ACP3: variants seen among roughly 807,000 people sequenced by gnomAD.
ACP3 encodes the protein acid phosphatase 3, also known as prostatic acid phosphatase.
Under a neutral mutation model 45.6 loss-of-function variants are expected in ACP3, and 38 were observed. That is an observed-to-expected ratio of 0.83 (90% CI 0.64 to 1.09). The LOEUF (loss-of-function observed/expected upper bound fraction) is 1.09. Among genes scored for constraint, ACP3 ranks in the 50% least tolerant of loss-of-function variants. The pLI, the probability that ACP3 is intolerant of heterozygous loss-of-function variation, is 0.00. For synonymous variants in ACP3, 162 were observed against 164.7 expected (o/e 0.98, Z 0.13); for missense variants, 466 against 463.2 (o/e 1.01, Z -0.05).
intron 9 of ACP3, among the ~76,000 whole-genome samples, chr3:132,353,059 G>A (rs373019000): frequency 1.6e-4 from 25 of 152,210 alleles, no homozygotes; most frequent in African/African-American, 6.0e-4. Flanking sequence ...CTATGTAACA[G>A]AAATTACATT....
chr3:132,341,117 G>C (rs1343603880), intron 5 of ACP3, among the ~76,000 whole-genome samples: 1 of 152,042 alleles, frequency 6.6e-6, no homozygotes, highest in Non-Finnish European at 1.5e-5. Context: ...TTTCAAAAAT[G>C]TGTATCTCTG....
At chr3:132,320,346 G>A (rs1937183134) in intron 1 of ACP3, among the ~76,000 whole-genome samples, 1 of 152,132 alleles carries the variant, frequency 6.6e-6, no homozygotes, top group African/African-American at 2.4e-5. Flanking sequence ...CAGCTTCAAA[G>A]ACTATCACCC....
chr3:132,329,541 T>C (rs1407807990), intron 2 of ACP3, among the ~76,000 whole-genome samples: 2 of 152,202 alleles, frequency 1.3e-5, no homozygotes, highest in African/African-American at 4.8e-5. Flanking sequence ...TTCTGTCCCT[T>C]TGAATGAAAG....
intron 7 of ACP3, among the ~76,000 whole-genome samples, chr3:132,349,431 C>T (rs1937667964): frequency 6.6e-6 from 1 of 152,218 alleles, no homozygotes; most frequent in African/African-American, 2.4e-5. Flanking sequence ...TGGCCTCCCA[C>T]AGGTCTGACT....
intron 5 of ACP3, among the ~76,000 whole-genome samples, chr3:132,340,437 A>G (rs1022422612): frequency 3.3e-5 from 5 of 152,092 alleles, no homozygotes; most frequent in African/African-American, 7.2e-5. Flanking sequence ...TTCTGTATCA[A>G]TGTATTCTTA....
chr3:132,346,514 G>C (rs1009740026), intron 7 of ACP3, among the ~76,000 whole-genome samples: 6 of 152,210 alleles, frequency 3.9e-5, no homozygotes, highest in Non-Finnish European at 5.9e-5. Flanking sequence ...CTTGAGGAAG[G>C]GAGAGTCTCC....
At chr3:132,359,792 C>T (rs554774862), downstream of ACP3, among the ~76,000 whole-genome samples, 2 of 152,156 alleles carry the variant, frequency 1.3e-5, no homozygotes, top group South Asian at 2.1e-4. Flanking sequence ...TGCTGCAGCC[C>T]GCTCATACAG....
intron 4 of ACP3, among the ~76,000 whole-genome samples, chr3:132,336,819 A>G (rs557860194): frequency 6.6e-6 from 1 of 152,364 alleles, no homozygotes; most frequent in African/African-American, 2.4e-5. Flanking sequence ...TAAGGGCAAC[A>G]AAATAAACTT....
chr3:132,349,562 T>C (rs1937671008), intron 7 of ACP3, among the ~76,000 whole-genome samples: 3 of 152,166 alleles, frequency 2.0e-5, no homozygotes, highest in Admixed American at 2.0e-4. Flanking sequence ...AAAAGCTGTC[T>C]GAAGTTCCTT....
At chr3:132,345,113 G>A in intron 7 of ACP3, 54 bp downstream of exon 7, 6 of 1,501,728 alleles carry the variant, frequency 4.0e-6, no homozygotes, top group Non-Finnish European at 5.5e-6. Context: ...AATGATCCAG[G>A]TCTGAGTCAT....
At chr3:132,318,228 G>A (rs1329578401) in intron 1 of ACP3, among the ~76,000 whole-genome samples, 2 of 152,176 alleles carry the variant, frequency 1.3e-5, no homozygotes, top group Admixed American at 1.3e-4. Flanking sequence ...AAGAGGGTTT[G>A]CAAAGTGAAG....
intron 9 of ACP3, among the ~76,000 whole-genome samples, chr3:132,355,681 C>A (rs1303263468): frequency 6.6e-6 from 1 of 151,992 alleles, no homozygotes. Context: ...CCACACCCAG[C>A]TAATTTTTGT....
intron 6 of ACP3, 56 bp from the exon 7 acceptor site, chr3:132,344,871 A>G (rs1015094324): frequency 1.5e-5 from 24 of 1,587,574 alleles, no homozygotes; most frequent in Non-Finnish European, 2.1e-5. Flanking sequence ...ATAAGTCAAC[A>G]AAGAGGACAG....
chr3:132,348,468 C>A (rs1340852589), intron 7 of ACP3, among the ~76,000 whole-genome samples: 1 of 152,098 alleles, frequency 6.6e-6, no homozygotes. Context: ...ATGATAGTCA[C>A]CCCTAATCAC....
intron 1 of ACP3, among the ~76,000 whole-genome samples, chr3:132,325,820 G>A (rs953847893): frequency 2.6e-5 from 4 of 152,174 alleles, no homozygotes; most frequent in Non-Finnish European, 5.9e-5. Flanking sequence ...TACATGCTGT[G>A]TGAGTTTAGA....
Position 132,357,579 on chromosome 3 carries a change from A to T in ACP3, c.*701A>T. The T allele has an allele frequency of 3.0e-6, 3 of 984,116 alleles. No homozygotes were observed. Among genetic ancestry groups the T allele is most frequent in the Non-Finnish European group, 3.6e-6 (3 of 828,716 alleles). The allele number at this position is 984,116 out of a possible 1,614,324, so 61.0% of individuals were successfully genotyped here. On this transcript the variant is annotated 3_prime_UTR_variant, in exon 10 of 10. Transcript: ENST00000336375. ...AACAAAAATCAAACTTTACAGAAAG[A>T]TTTGATGTATGTAATACATATAGCA...
intron 5 of ACP3, among the ~76,000 whole-genome samples, chr3:132,341,196 G>A (rs533858186): frequency 6.4e-4 from 98 of 152,158 alleles, no homozygotes; most frequent in Non-Finnish European, 1.1e-3. Context: ...TGTTGGTAGC[G>A]GGTATTCTTG....
At chr3:132,363,142 AC>A (rs1191579383), downstream of ACP3, among the ~76,000 whole-genome samples, 1 of 152,172 alleles carries the variant, frequency 6.6e-6, no homozygotes, top group Non-Finnish European at 1.5e-5. Context: ...ATACGCGCTC[AC>A]CTGAGTCTTT....
At position 132,331,728 on chromosome 3, in the gene ACP3, G is replaced by C. The variant is rs1937402134; in HGVS notation, c.298G>C (p.Glu100Gln). ...RKFLNESYKH[E>Q]QVYIRSTDVD... Reference sequence around the variant, plus strand: ...ATTCTTGAATGAGTCCTATAAACATGAACAGGCAAGTTGGGGAGCCAAGAG... The same window carrying C: ...ATTCTTGAATGAGTCCTATAAACATCAACAGGCAAGTTGGGGAGCCAAGAG... The change falls in exon 3 of 10, where the codon GAA becomes CAA. Residue 100 changes from glutamate to glutamine, a missense_variant. Coordinates refer to ENST00000336375, the MANE Select transcript of ACP3 (RefSeq NM_001099.5). 3 of 1,602,218 alleles carry C rather than the reference G, an allele frequency of 1.9e-6. No homozygotes were observed. The highest frequency in any genetic ancestry group is 1.7e-6 in the Non-Finnish European group (2 of 1,176,140).
Sources: gnomAD v4.1 joint callset for allele counts (sites outside exome capture counted in the v4.1 genomes callset) on GRCh38, gnomAD v4.1.1 for gene constraint, MANE v1.5 for transcripts, NCBI Gene and HGNC (gene_info 2026-07-23, HGNC 2026-07-21) for gene names.